RBFOX3: variants seen among roughly 807,000 people sequenced by gnomAD.
RBFOX3 encodes RNA binding protein fox-1 homolog 3.
RBFOX3 carries 17 observed loss-of-function variants against 48.7 expected under a neutral mutation model. That is an observed-to-expected ratio of 0.35 (90% CI 0.24 to 0.52). The LOEUF is 0.52. RBFOX3 is among the 20% of genes least tolerant of loss of function. The probability of loss-of-function intolerance (pLI) is 0.94; values close to 1 mark genes in which losing one functional copy is unlikely to be tolerated. For missense variants in RBFOX3, 382 were observed against 497.5 expected (o/e 0.77, Z 2.21); for synonymous variants, 212 against 209.5 (o/e 1.01, Z -0.10).
chr17:79,663,282 A>G, the RBFOX3 span, among the ~76,000 whole-genome samples: 1 of 152,142 alleles, frequency 6.6e-6, no homozygotes, highest in Non-Finnish European at 1.5e-5. Flanking sequence ...AATTTTCCTA[A>G]TCGGTTTGAG....
intron 3 of RBFOX3, among the ~76,000 whole-genome samples, chr17:79,247,201 G>A (rs968412634): frequency 6.6e-6 from 1 of 151,746 alleles, no homozygotes; most frequent in African/African-American, 2.4e-5. Context: ...GCCAGCCGGA[G>A]GTCCTAAAAA....
intron 1 of RBFOX3, among the ~76,000 whole-genome samples, chr17:79,586,384 C>G (rs1421272524): frequency 6.6e-6 from 1 of 152,234 alleles, no homozygotes; most frequent in African/African-American, 2.4e-5. Context: ...TCCCAGCAAG[C>G]CCAGCTGGGA....
chr17:79,458,973 T>C (rs1330512273), intron 2 of RBFOX3, among the ~76,000 whole-genome samples: 1 of 152,212 alleles, frequency 6.6e-6, no homozygotes, highest in African/African-American at 2.4e-5. Context: ...CTGTGCAGAA[T>C]GTGAAGCGCG....
At position 79,443,140 on chromosome 17, in the gene RBFOX3, G is replaced by A. The variant is rs549444757; in HGVS notation, c.-175+39314C>T. ...AAACCGGAGCTCAGCCTCCCATGTC[G>A]CCTCCCCAACCAGCCACCTGGGAAC... On this transcript the variant is annotated intron_variant, in intron 2 of 14. Transcript: ENST00000693108. This position sits in a 1 kb window ranked among gnomAD's most constrained non-coding sequence, Gnocchi z 4.4. Among the ~76,000 whole-genome samples the A allele has an allele frequency of 5.9e-5, 9 of 152,220 alleles. No individual in the cohort carries two copies. Among genetic ancestry groups the A allele is most frequent in the Non-Finnish European group, 8.8e-5 (6 of 68,006 alleles).
At chr17:79,130,680 C>A (rs2038612986) in intron 4 of RBFOX3, among the ~76,000 whole-genome samples, 1 of 152,278 alleles carries the variant, frequency 6.6e-6, no homozygotes, top group Non-Finnish European at 1.5e-5. Flanking sequence ...ATGCAGCCTG[C>A]TCTCCAGGCC....
At chr17:79,614,088 C>G (rs907469806), upstream of RBFOX3, among the ~76,000 whole-genome samples, 71 of 152,304 alleles carry the variant, frequency 4.7e-4, no homozygotes, top group South Asian at 7.9e-3. Flanking sequence ...AGTGGCGGCC[C>G]GCCCTCACGG....
chr17:79,424,792 G>A (rs1417961934), intron 2 of RBFOX3, among the ~76,000 whole-genome samples: 1 of 152,124 alleles, frequency 6.6e-6, no homozygotes, highest in Non-Finnish European at 1.5e-5. Flanking sequence ...CCTCAAACCT[G>A]GCCTGCCTGG....
chr17:79,459,862 C>T (rs1399474913), intron 2 of RBFOX3, among the ~76,000 whole-genome samples: 1 of 152,126 alleles, frequency 6.6e-6, no homozygotes, highest in Admixed American at 6.5e-5. Context: ...AGAAAATAGT[C>T]CCACATGTCT....
chr17:79,417,558 G>A (rs553781841), intron 2 of RBFOX3, among the ~76,000 whole-genome samples: 1 of 152,376 alleles, frequency 6.6e-6, no homozygotes, highest in Non-Finnish European at 1.5e-5. Flanking sequence ...GCTATCAAAA[G>A]CACAGAAAAT....
the RBFOX3 span, among the ~76,000 whole-genome samples, chr17:79,656,777 G>GAAAGAAAA: frequency 4.4e-3 from 442 of 101,082 alleles, 5 homozygotes; most frequent in African/African-American, 0.019. Flanking sequence ...AAGGAAGGAA[G>GAAAGAAAA]GAAAGAAAGA....
At position 79,250,508 on chromosome 17, in the gene RBFOX3, C is replaced by CGTGG. The variant is rs545889407; in HGVS notation, c.-73-14704_-73-14703insCCAC. Among the ~76,000 whole-genome samples, 1,094 of 152,304 alleles carry CGTGG rather than the reference C, an allele frequency of 7.2e-3. 9 individuals carry two copies. Among genetic ancestry groups the CGTGG allele is most frequent in the African/African-American group, 0.025 (1,048 of 41,568 alleles). ...TTCCTGATGAGGGCGCTTAAATGAG[C>CGTGG]CGATCACTCGGCGTGGGCAGGAGCA... On this transcript the variant is annotated intron_variant, in intron 3 of 14. Transcript: ENST00000693108.
intron 2 of RBFOX3, among the ~76,000 whole-genome samples, chr17:79,462,175 C>G (rs1030643297): frequency 1.3e-5 from 2 of 152,158 alleles, no homozygotes; most frequent in African/African-American, 2.4e-5. Flanking sequence ...TCAATGAGTA[C>G]CAAGCTCCTA....
At chr17:79,622,372 C>T in the RBFOX3 span, among the ~76,000 whole-genome samples, 69 of 152,308 alleles carry the variant, frequency 4.5e-4, no homozygotes, top group African/African-American at 1.6e-3. Flanking sequence ...CCGGGCTCTC[C>T]CTGCCTCCCC....
chr17:79,101,468 G>C, intron 9 of RBFOX3, 116 bp downstream of exon 9: 1 of 931,726 alleles, frequency 1.1e-6, no homozygotes, highest in Non-Finnish European at 1.7e-6. Flanking sequence ...CTGGGACACT[G>C]GGGACGGAGG....
the RBFOX3 span, among the ~76,000 whole-genome samples, chr17:79,620,487 GCA>G: frequency 3.2e-5 from 4 of 126,580 alleles, no homozygotes; most frequent in African/African-American, 7.8e-5. Context: ...ACACGCACGT[GCA>G]CACACGCGCA....
chr17:79,509,082 C>T (rs2083657763), intron 1 of RBFOX3, among the ~76,000 whole-genome samples: 1 of 152,104 alleles, frequency 6.6e-6, no homozygotes, highest in African/African-American at 2.4e-5. Flanking sequence ...TAACAGCGTT[C>T]CAGCTGGTTC....
At chr17:79,437,081 C>T (rs1290140720) in intron 2 of RBFOX3, among the ~76,000 whole-genome samples, 4 of 152,148 alleles carry the variant, frequency 2.6e-5, no homozygotes, top group Admixed American at 2.6e-4. Flanking sequence ...CCAACAGGGA[C>T]CTTTGAGTGC....
chr17:79,115,701 G>GTAGGGGGGGGGGGGC lies in RBFOX3; in HGVS notation c.14_15insGCCCCCCCCCCCCTA (p.Pro4_Tyr5insTer). The GTAGGGGGGGGGGGGC allele has an allele frequency of 2.4e-6, 1 of 415,912 alleles. No individual in the cohort carries two copies. Among genetic ancestry groups the GTAGGGGGGGGGGGGC allele is most frequent in the Non-Finnish European group, 4.5e-6 (1 of 222,390 alleles). The allele number at this position is 415,912 out of a possible 1,614,324, so 25.8% of individuals were successfully genotyped here. On this transcript the variant is annotated stop_gained, in exon 5 of 15. Transcript: ENST00000693108. LOFTEE classifies it high-confidence loss of function. The stretch of plus-strand genomic sequence containing the variant: ...GCGGAGGGGGGTACTGGGCGGGGGG[G>GTAGGGGGGGGGGGGC]TAGGGCTGGGCCATCGCTTCAGGCG...
intron 1 of RBFOX3, among the ~76,000 whole-genome samples, chr17:79,486,484 C>G (rs2079624988): frequency 6.6e-6 from 1 of 152,118 alleles, no homozygotes; most frequent in Non-Finnish European, 1.5e-5. Context: ...TCTGGGAGGT[C>G]AGTTGGGGAA....
Sources: allele counts gnomAD v4.1 joint callset (sites outside exome capture counted in the v4.1 genomes callset), GRCh38; gene constraint gnomAD v4.1.1; non-coding constraint Gnocchi (gnomAD v3.1); transcripts MANE v1.5; gene names NCBI Gene and HGNC (gene_info 2026-07-23, HGNC 2026-07-21).